FAM83F: variants seen among roughly 807,000 people sequenced by gnomAD.
The protein encoded by FAM83F is scaffolding CK1 anchoring protein F, also known as protein FAM83F.
A neutral mutation model predicts 42.9 loss-of-function variants in FAM83F; 45 were observed. The ratio of observed to expected loss-of-function variants is 1.05; its 90% confidence interval spans 0.83 to 1.35. FAM83F has a LOEUF of 1.35. FAM83F is among the 40% of genes most tolerant of loss of function. FAM83F has a pLI of 0.00. For missense variants in FAM83F, 617 were observed against 695.9 expected (o/e 0.89, Z 1.28); for synonymous variants, 306 against 298.3 (o/e 1.03, Z -0.27).
intron 4 of FAM83F, among the ~76,000 whole-genome samples, chr22:40,028,782 A>C (rs942250180): frequency 6.6e-6 from 1 of 152,110 alleles, no homozygotes; most frequent in African/African-American, 2.4e-5. Flanking sequence ...TCCTCCCTTC[A>C]AAGGCGCGTC....
Position 40,035,956 on chromosome 22 carries a change from G to C in FAM83F, c.*6391G>C, listed in dbSNP as rs1325059250. On this transcript the variant is annotated 3_prime_UTR_variant, in exon 5 of 5. Transcript: ENST00000333407. ...TCATATTGAATCGTTGGCACACAGG[G>C]CTAACTGCTTGTTCACCTGAAGGAA... The C allele has an allele frequency of 6.6e-6, 1 of 152,148 alleles. No individual in the cohort carries two copies. Among genetic ancestry groups the C allele is most frequent in the Non-Finnish European group, 1.5e-5 (1 of 68,030 alleles). The allele number at this position is 152,148 out of a possible 1,614,324, so 9.4% of individuals were successfully genotyped here.
rs558605735 is a variant in FAM83F at position 39,997,157 on chromosome 22, T to G, written c.489+1626T>G. 3.9e-5 allele frequency among the ~76,000 whole-genome samples: 6 copies of G among 152,306 alleles called. No individual in the cohort carries two copies. The East Asian group carries it at 1.2e-3, about 29-fold the overall frequency. Reference sequence around the variant, plus strand: ...TAAGTGGCTGAGCCAGGACCCAAACTCCAAAGCCCTTGCTCTTAACCACTG... The same window carrying G: ...TAAGTGGCTGAGCCAGGACCCAAACGCCAAAGCCCTTGCTCTTAACCACTG... On this transcript the variant is annotated intron_variant, in intron 1 of 4. Coordinates refer to ENST00000333407, the MANE Select transcript of FAM83F (RefSeq NM_138435.4).
intron 1 of FAM83F, chr22:39,997,839 A>G (rs1601760341): frequency 6.6e-6 from 1 of 152,188 alleles, no homozygotes; most frequent in African/African-American, 2.4e-5. Context: ...GTCTGCGCCC[A>G]CCCAAGTATC....
Position 40,043,447 on chromosome 22 carries a change from C to T in FAM83F, c.*13882C>T, listed in dbSNP as rs1042416656. 1 of 152,222 alleles carries T rather than the reference C, an allele frequency of 6.6e-6. No individual in the cohort carries two copies. Among genetic ancestry groups the T allele is most frequent in the Non-Finnish European group, 1.5e-5 (1 of 68,046 alleles). 9.4% of individuals were successfully genotyped at this position (152,222 alleles called of 1,614,324 possible). A position where few individuals can be genotyped will look rare whatever the true frequency, so the allele number is the denominator to read the frequency against. On this transcript the variant is annotated 3_prime_UTR_variant, in exon 5 of 5. Coordinates refer to ENST00000333407, the MANE Select transcript of FAM83F (RefSeq NM_138435.4). Reference sequence around the variant, plus strand: ...GTGGCCACCAGCCAGGAGCACACGTCTTGCTCAGCATCAACTATCCTGGAA... The same window carrying T: ...GTGGCCACCAGCCAGGAGCACACGTTTTGCTCAGCATCAACTATCCTGGAA...
chr22:40,017,654 C>T (rs2067499451), intron 1 of FAM83F, among the ~76,000 whole-genome samples: 2 of 152,188 alleles, frequency 1.3e-5, no homozygotes, highest in Non-Finnish European at 2.9e-5. Context: ...ATGGGGATAC[C>T]AGCCTGGTCT....
Position 40,029,352 on chromosome 22 carries a change from C to T in FAM83F, c.1454-164C>T, listed in dbSNP as rs1006653374. Reference sequence around the variant, plus strand: ...GGCAGAATCTTCCCTTCTACTTTCCCGGGTGCCCTATTGACTTGGTTTCCA... The same window carrying T: ...GGCAGAATCTTCCCTTCTACTTTCCTGGGTGCCCTATTGACTTGGTTTCCA... On this transcript the variant is annotated intron_variant, in intron 4 of 4. Coordinates refer to ENST00000333407, the MANE Select transcript of FAM83F (RefSeq NM_138435.4). 5.3e-5 allele frequency among the ~76,000 whole-genome samples: 8 copies of T among 152,230 alleles called. No individual in the cohort carries two copies. The highest frequency in any genetic ancestry group is 1.9e-4 in the East Asian group (1 of 5,182).
At chr22:39,998,352 G>A (rs2067381390) in intron 1 of FAM83F, among the ~76,000 whole-genome samples, 1 of 152,198 alleles carries the variant, frequency 6.6e-6, no homozygotes, top group Non-Finnish European at 1.5e-5. Flanking sequence ...GAATAACCCT[G>A]TGAGGTGTTA....
At chr22:40,014,262 G>A (rs986791982) in intron 1 of FAM83F, among the ~76,000 whole-genome samples, 1 of 150,614 alleles carries the variant, frequency 6.6e-6, no homozygotes, top group African/African-American at 2.4e-5. Flanking sequence ...TCTCTGTTAA[G>A]TAAAATGTTT....
chr22:39,999,525 C>T (rs1299111337), intron 1 of FAM83F, among the ~76,000 whole-genome samples: 1 of 152,206 alleles, frequency 6.6e-6, no homozygotes, highest in African/African-American at 2.4e-5. Flanking sequence ...CCAATCTCCT[C>T]CGCACCTCAA....
chr22:39,997,921 A>C (rs1271031969), intron 1 of FAM83F: 1 of 152,290 alleles, frequency 6.6e-6, no homozygotes, highest in African/African-American at 2.4e-5. Flanking sequence ...GAAGACCCTG[A>C]GAAGAAGTTG....
chr22:39,996,315 G>T (rs1475869325), intron 1 of FAM83F, among the ~76,000 whole-genome samples: 1 of 152,144 alleles, frequency 6.6e-6, no homozygotes, highest in Non-Finnish European at 1.5e-5. Flanking sequence ...CTTTGGGTGG[G>T]AGTCCTGGGC....
At chr22:40,012,096 A>T (rs2067468111) in intron 1 of FAM83F, among the ~76,000 whole-genome samples, 1 of 151,930 alleles carries the variant, frequency 6.6e-6, no homozygotes, top group African/African-American at 2.4e-5. Flanking sequence ...ATTTTTCATT[A>T]ATCTCATAGT....
At chr22:40,008,248 G>A (rs1023132109) in intron 1 of FAM83F, among the ~76,000 whole-genome samples, 21 of 152,362 alleles carry the variant, frequency 1.4e-4, no homozygotes, top group Non-Finnish European at 1.8e-4. Flanking sequence ...TGTCTGTGCC[G>A]CGGGAGGCGC....
chr22:40,004,272 T>A (rs1041928805), intron 1 of FAM83F, among the ~76,000 whole-genome samples: 2 of 80,728 alleles, frequency 2.5e-5, no homozygotes, highest in Non-Finnish European at 5.8e-5. Context: ...TTTAGAATTT[T>A]ATTTTATTTT....
Position 40,026,416 on chromosome 22 carries a change from A to G in FAM83F, c.1454-3100A>G, listed in dbSNP as rs184156542. On this transcript the variant is annotated intron_variant, in intron 4 of 4. Coordinates refer to ENST00000333407, the MANE Select transcript of FAM83F (RefSeq NM_138435.4). Reference sequence around the variant, plus strand: ...TTGCCTGTAGTCCCAGCTACTCGGGAGGCTGAAACAGGAGAATCTCTTGAA... The same window carrying G: ...TTGCCTGTAGTCCCAGCTACTCGGGGGGCTGAAACAGGAGAATCTCTTGAA... Among the ~76,000 whole-genome samples the G allele has an allele frequency of 6.7e-3, 1,024 of 152,306 alleles. 11 individuals are homozygous for G. Among genetic ancestry groups the G allele is most frequent in the Admixed American group, 0.012 (184 of 15,300 alleles).
At chr22:40,018,605 A>AT (rs5845446) in intron 1 of FAM83F, among the ~76,000 whole-genome samples, 36,969 of 135,422 alleles carry the variant, frequency 0.27, 5,178 homozygotes, top group South Asian at 0.42. Flanking sequence ...CGCCTGGCTA[A>AT]TTTTTTTTTT....
At chr22:40,009,957 C>T (rs1405674996) in intron 1 of FAM83F, 2 of 152,240 alleles carry the variant, frequency 1.3e-5, no homozygotes, top group Non-Finnish European at 2.9e-5. Context: ...CCCGTCCTGC[C>T]GCCCAGGCAG....
At chr22:40,014,131 C>CTTTTTTTTTTTTTTTTTTT (rs57224519) in intron 1 of FAM83F, among the ~76,000 whole-genome samples, 15 of 116,806 alleles carry the variant, frequency 1.3e-4, no homozygotes, top group African/African-American at 2.0e-4. Flanking sequence ...TATTTCTTTT[C>CTTTTTTTTTTTTTTTTTTT]TTTTTTTTTT....
chr22:40,005,294 C>T (rs2067421700), intron 1 of FAM83F, among the ~76,000 whole-genome samples: 1 of 152,232 alleles, frequency 6.6e-6, no homozygotes, highest in Non-Finnish European at 1.5e-5. Context: ...CTAAAAATCG[C>T]TTGTGTATCT....
Sources: gnomAD v4.1 joint callset for allele counts (sites outside exome capture counted in the v4.1 genomes callset) on GRCh38, gnomAD v4.1.1 for gene constraint, MANE v1.5 for transcripts, NCBI Gene and HGNC (gene_info 2026-07-23, HGNC 2026-07-21) for gene names.